The following PDE5A variants were observed in gnomAD, a reference collection of about 807,000 sequenced individuals.
PDE5A encodes cGMP-specific 3',5'-cyclic phosphodiesterase.
In PDE5A, 67 loss-of-function variants were observed where a neutral mutation model predicts 110.2. The ratio of observed to expected loss-of-function variants is 0.61; its 90% CI spans 0.50 to 0.75. The LOEUF (loss-of-function observed/expected upper bound fraction) is 0.75, where lower values mean the gene tolerates loss of function less well. PDE5A is among the 30% of genes least tolerant of loss of function. PDE5A has a pLI of 0.00. For missense variants in PDE5A, 862 were observed against 1,045.1 expected (o/e 0.82, Z 2.42); for synonymous variants, 328 against 351.2 (o/e 0.93, Z 0.74).
chr4:119,571,723 T>C (rs1156270013), intron 3 of PDE5A, among the ~76,000 whole-genome samples: 3 of 152,214 alleles, frequency 2.0e-5, no homozygotes, highest in South Asian at 2.1e-4. Flanking sequence ...CATTCAATTG[T>C]GATTCTTATA....
At chr4:119,554,388 T>G (rs1727468172) in intron 7 of PDE5A, among the ~76,000 whole-genome samples, 1 of 152,150 alleles carries the variant, frequency 6.6e-6, no homozygotes, top group South Asian at 2.1e-4. Context: ...CTTACAATAT[T>G]TTTACCAGTT....
chr4:119,609,357 TA>T (rs1729660840), intron 1 of PDE5A, among the ~76,000 whole-genome samples: 2 of 152,164 alleles, frequency 1.3e-5, no homozygotes, highest in South Asian at 4.1e-4. Context: ...ATGGCACACT[TA>T]TACAAGAGAA....
intron 7 of PDE5A, among the ~76,000 whole-genome samples, chr4:119,557,468 T>C (rs1727583234): frequency 6.6e-6 from 1 of 152,192 alleles, no homozygotes; most frequent in African/African-American, 2.4e-5. Context: ...CAATGAACTG[T>C]ATATGAGTGC....
chr4:119,526,383 A>G (rs1416416769), intron 11 of PDE5A, among the ~76,000 whole-genome samples: 2 of 152,120 alleles, frequency 1.3e-5, no homozygotes, highest in East Asian at 3.9e-4. Context: ...ATTTGGACCA[A>G]GGAGCCCTGG....
intron 1 of PDE5A, among the ~76,000 whole-genome samples, chr4:119,625,798 A>C (rs1273831106): frequency 1.3e-5 from 2 of 152,184 alleles, no homozygotes; most frequent in Non-Finnish European, 2.9e-5. Flanking sequence ...AATGTGAACC[A>C]CACTGGGGTT....
chr4:119,609,851 A>G (rs1729681896), intron 1 of PDE5A, among the ~76,000 whole-genome samples: 1 of 152,238 alleles, frequency 6.6e-6, no homozygotes, highest in Non-Finnish European at 1.5e-5. Context: ...TCCACAATGT[A>G]TACATACATC....
At chr4:119,528,127 T>C (rs1726394994) in intron 11 of PDE5A, among the ~76,000 whole-genome samples, 1 of 152,116 alleles carries the variant, frequency 6.6e-6, no homozygotes, top group Admixed American at 6.6e-5. Context: ...GTATATGTAT[T>C]CTTCTGAGTT....
chr4:119,592,135 A>G (rs1319221287), intron 3 of PDE5A, among the ~76,000 whole-genome samples: 3 of 84,186 alleles, frequency 3.6e-5, no homozygotes, highest in South Asian at 4.4e-4. Flanking sequence ...CTGGTGACAG[A>G]GTGAGACTCT....
intron 14 of PDE5A, chr4:119,512,501 A>G (rs1427839759): frequency 6.6e-6 from 1 of 152,134 alleles, no homozygotes; most frequent in East Asian, 1.9e-4. Context: ...TTAGGAGACT[A>G]CTGGGAAACT....
At chr4:119,597,337 T>A (rs1300293314) in intron 2 of PDE5A, among the ~76,000 whole-genome samples, 1 of 151,874 alleles carries the variant, frequency 6.6e-6, no homozygotes, top group East Asian at 1.9e-4. Flanking sequence ...TTCATTACTG[T>A]ATTCCTAGCA....
intron 2 of PDE5A, among the ~76,000 whole-genome samples, chr4:119,597,070 T>C (rs1283394178): frequency 6.6e-6 from 1 of 152,110 alleles, no homozygotes; most frequent in African/African-American, 2.4e-5. Context: ...CAAGTATTCC[T>C]AAGAGTTTAA....
At chr4:119,620,837 T>C (rs571819959) in intron 1 of PDE5A, among the ~76,000 whole-genome samples, 1 of 152,188 alleles carries the variant, frequency 6.6e-6, no homozygotes, top group Non-Finnish European at 1.5e-5. Context: ...TATGCCTTCA[T>C]AGCAAGTAAA....
Position 119,596,572 on chromosome 4 carries a change from T to A in PDE5A, c.782A>T (p.Tyr261Phe), listed in dbSNP as rs763440660. ...FNAEVDQITG[Y>F]KTQSILCMPI... is the part of the protein sequence containing the mutation. ...CATACAAAGAATGCTTTGTGTCTTG[T>A]AGCCTGTAATTTGGTCAACTTCTGC... The change falls in exon 3 of 21, where the codon TAC (tyrosine) becomes TTC (phenylalanine). Residue 261 changes from tyrosine to phenylalanine, a missense_variant. By Grantham distance (22) the Tyr-to-Phe change is conservative (BLOSUM62 3). Transcript: ENST00000354960. 4.4e-6 allele frequency: 7 copies of A among 1,604,034 alleles called. No individual in the cohort carries two copies. The Admixed American group carries it at 1.2e-4, about 27-fold the overall frequency.
chr4:119,500,924 A>ATAAT, intron 20 of PDE5A: 1 of 479,288 alleles, frequency 2.1e-6, no homozygotes, highest in South Asian at 2.9e-5. Flanking sequence ...ACACTGGCAC[A>ATAAT]TAATTCTTCT....
rs534347631 is a variant in PDE5A, at chr4:119,568,420, G to A, written c.832-1276C>T. Among the ~76,000 whole-genome samples, 6 of 152,250 alleles carry A rather than the reference G, an allele frequency of 3.9e-5. No individual in the cohort carries two copies. The South Asian group carries it at 1.2e-3, about 32-fold the overall frequency. ...GAAGGTCATTGGGGTCTAATATAGA[G>A]TAGTATAATTTGGTTATTTTAAATG... On this transcript the variant is annotated intron_variant, in intron 3 of 20. Coordinates refer to ENST00000354960, the MANE Select transcript of PDE5A (RefSeq NM_001083.4).
chr4:119,539,870 T>C (rs1726862303), intron 10 of PDE5A, among the ~76,000 whole-genome samples: 2 of 152,202 alleles, frequency 1.3e-5, no homozygotes, highest in Admixed American at 6.6e-5. Flanking sequence ...CTTTTGAGTG[T>C]CATGCTGCTG....
At chr4:119,500,034 G>A (rs1312056758) in intron 20 of PDE5A, 1 of 151,988 alleles carries the variant, frequency 6.6e-6, no homozygotes, top group African/African-American at 2.4e-5. Context: ...TATGTTGACT[G>A]TATTTACAGG....
At chr4:119,583,446 GC>G (rs1728655582) in intron 3 of PDE5A, among the ~76,000 whole-genome samples, 1 of 152,136 alleles carries the variant, frequency 6.6e-6, no homozygotes, top group South Asian at 2.1e-4. Flanking sequence ...CAGCAATAAG[GC>G]TATTTGACTT....
At chr4:119,565,889 C>G (rs1376652345) in intron 4 of PDE5A, among the ~76,000 whole-genome samples, 1 of 150,698 alleles carries the variant, frequency 6.6e-6, no homozygotes. Flanking sequence ...CTATCATCCT[C>G]ATTAAACTAT....
Sources: gnomAD v4.1 joint callset for allele counts (sites outside exome capture counted in the v4.1 genomes callset) on GRCh38, gnomAD v4.1.1 for gene constraint, MANE v1.5 for transcripts, NCBI Gene and HGNC (gene_info 2026-07-23, HGNC 2026-07-21) for gene names.